Variants in BABAM2 observed in about 807,000 individuals in gnomAD.
BABAM2 encodes the protein BRISC and BRCA1 A complex member 2.
Under a neutral mutation model 54.7 loss-of-function variants are expected in BABAM2, and 31 were observed. That is an observed-to-expected ratio of 0.57 (90% CI 0.43 to 0.77). The LOEUF (loss-of-function observed/expected upper bound fraction) is 0.77, where lower values mean the gene tolerates loss of function less well. BABAM2 is among the 30% of genes least tolerant of loss of function. The probability of loss-of-function intolerance (pLI) is 0.00; values close to 1 mark genes in which losing one functional copy is unlikely to be tolerated. For missense variants in BABAM2, 364 were observed against 455.8 expected (o/e 0.80, Z 1.83); for synonymous variants, 167 against 162.9 (o/e 1.03, Z -0.19).
chr2:28,026,864 A>ATC (rs1491371901), intron 5 of BABAM2, among the ~76,000 whole-genome samples: 17 of 77,850 alleles, frequency 2.2e-4, no homozygotes, highest in African/African-American at 1.1e-3. Flanking sequence ...ATATATATAG[A>ATC]TATATATATT....
chr2:27,894,616 C>T lies in BABAM2; in HGVS notation c.60C>T (p.Ser20=), dbSNP rs748647040. ...CAATGCTCTCCCCTTTCATATCTAG[C>T]GTGGTCCGGAATGGAAAAGTGGGAC... ...ISPMLSPFIS[S]VVRNGKVGLD... The change falls in exon 2 of 12, where the codon AGC becomes AGT. Residue 20 remains serine, a synonymous_variant. Coordinates refer to ENST00000379624, the MANE Select transcript of BABAM2 (RefSeq NM_199191.3). The T allele has an allele frequency of 1.2e-5, 19 of 1,613,800 alleles. No homozygotes were observed. In the African/African-American group the frequency reaches 1.9e-4, roughly 16 times the overall value.
intron 7 of BABAM2, among the ~76,000 whole-genome samples, chr2:28,183,316 C>T (rs1675844341): frequency 6.6e-6 from 1 of 152,050 alleles, no homozygotes; most frequent in African/African-American, 2.4e-5. Context: ...TGGTGGGTGC[C>T]TGTAATCCCA....
intron 2 of BABAM2, among the ~76,000 whole-genome samples, chr2:27,922,100 G>A (rs1329163786): frequency 6.6e-6 from 1 of 152,194 alleles, no homozygotes; most frequent in South Asian, 2.1e-4. Flanking sequence ...TGGTTAGCGT[G>A]TCCTGTAAGT....
intron 5 of BABAM2, 165 bp downstream of exon 5, chr2:28,025,585 G>T: frequency 1.6e-6 from 1 of 625,406 alleles, no homozygotes; most frequent in Non-Finnish European, 2.5e-6. Flanking sequence ...TGTTTGTCTA[G>T]TTCATTGTGT....
intron 6 of BABAM2, among the ~76,000 whole-genome samples, chr2:28,056,415 A>T (rs545314009): frequency 4.0e-4 from 61 of 152,338 alleles, no homozygotes; most frequent in Non-Finnish European, 1.8e-4. Flanking sequence ...TTTATTTTTT[A>T]AAAAAGAGAG....
At chr2:27,998,315 AATTATT>A (rs758995331) in intron 4 of BABAM2, among the ~76,000 whole-genome samples, 1 of 151,440 alleles carries the variant, frequency 6.6e-6, no homozygotes, top group South Asian at 2.1e-4. Context: ...TATTAATAAT[AATTATT>A]ATTATTAGCA....
chr2:28,140,495 C>A, intron 7 of BABAM2, among the ~76,000 whole-genome samples: 1 of 151,866 alleles, frequency 6.6e-6, no homozygotes, highest in Admixed American at 6.6e-5. Context: ...TTGTCAAAAC[C>A]CATAGAACTG....
chr2:28,045,680 T>A, intron 5 of BABAM2, 45 bp from the exon 6 acceptor site: 1 of 1,511,662 alleles, frequency 6.6e-7, no homozygotes. Context: ...CACTTCATAA[T>A]CTATTTTTGA....
At chr2:28,038,372 ATTTAT>A (rs933125264) in intron 5 of BABAM2, among the ~76,000 whole-genome samples, 51 of 152,204 alleles carry the variant, frequency 3.4e-4, no homozygotes, top group African/African-American at 1.2e-3. Context: ...ACAGGTTATA[ATTTAT>A]TTTATTTATT....
chr2:28,285,394 A>C (rs574066388), intron 10 of BABAM2, among the ~76,000 whole-genome samples: 378 of 152,322 alleles, frequency 2.5e-3, no homozygotes, highest in Non-Finnish European at 2.6e-3. Flanking sequence ...AAATATCCCC[A>C]TTCCACACAT....
intron 5 of BABAM2, among the ~76,000 whole-genome samples, chr2:28,038,042 C>A (rs991471157): frequency 6.6e-6 from 1 of 152,154 alleles, no homozygotes; most frequent in African/African-American, 2.4e-5. Flanking sequence ...CAGAAATTTA[C>A]AGATTCAAGA....
At chr2:28,062,340 G>A (rs1166494721) in intron 6 of BABAM2, among the ~76,000 whole-genome samples, 2 of 151,254 alleles carry the variant, frequency 1.3e-5, no homozygotes, top group African/African-American at 2.4e-5. Context: ...TGAGTCAGGC[G>A]GATCATGAGG....
chr2:27,945,121 C>T (rs1337655506), intron 3 of BABAM2, among the ~76,000 whole-genome samples: 1 of 151,948 alleles, frequency 6.6e-6, no homozygotes, highest in Non-Finnish European at 1.5e-5. Context: ...TGGGCTCAAG[C>T]AACCCCTCCT....
intron 7 of BABAM2, among the ~76,000 whole-genome samples, chr2:28,145,930 AATAATACTCCAGTATATCAATATACC>A (rs1671455857): frequency 6.6e-6 from 1 of 152,232 alleles, no homozygotes; most frequent in Non-Finnish European, 1.5e-5. Context: ...TTCATTGTGG[AATAATACTCCAGTATATCAATATACC>A]ACATTTGATT....
intron 2 of BABAM2, among the ~76,000 whole-genome samples, chr2:27,912,530 C>G: frequency 6.6e-6 from 1 of 152,070 alleles, no homozygotes; most frequent in East Asian, 1.9e-4. Flanking sequence ...GAAAAGGATT[C>G]TGAGAACCAA....
intron 4 of BABAM2, among the ~76,000 whole-genome samples, chr2:28,010,005 C>CT (rs1231919772): frequency 6.6e-6 from 1 of 152,120 alleles, no homozygotes. Flanking sequence ...GTGAAGGCCT[C>CT]CTGTCTAAGC....
intron 4 of BABAM2, among the ~76,000 whole-genome samples, chr2:28,001,760 G>C (rs1263054838): frequency 6.6e-6 from 1 of 151,908 alleles, no homozygotes; most frequent in South Asian, 2.1e-4. Context: ...GAGAGAGGAG[G>C]GGGGTGCTAC....
intron 7 of BABAM2, among the ~76,000 whole-genome samples, chr2:28,157,469 T>A (rs1214414400): frequency 2.0e-5 from 3 of 152,230 alleles, no homozygotes; most frequent in Non-Finnish European, 4.4e-5. Context: ...CAGGCTGCTA[T>A]GGATAAACAA....
At chr2:28,092,278 C>T (rs13431542) in intron 6 of BABAM2, among the ~76,000 whole-genome samples, 78,688 of 151,688 alleles carry the variant, frequency 0.52, 21,975 homozygotes, top group Middle Eastern at 0.66. Flanking sequence ...AGTACAACTG[C>T]CTTTGTTTAC....
Sources: gnomAD v4.1 joint callset for allele counts (sites outside exome capture counted in the v4.1 genomes callset) on GRCh38, gnomAD v4.1.1 for gene constraint, MANE v1.5 for transcripts, NCBI Gene and HGNC (gene_info 2026-07-23, HGNC 2026-07-21) for gene names.